The following WDR86 variants were observed in gnomAD, a reference collection of about 807,000 sequenced individuals.
WDR86 encodes the protein WD repeat-containing protein 86.
Under a neutral mutation model 36.5 loss-of-function variants are expected in WDR86, and 30 were observed. That is an observed-to-expected ratio of 0.82 (90% confidence interval 0.61 to 1.11). The LOEUF (loss-of-function observed/expected upper bound fraction) is 1.11, where lower values mean the gene tolerates loss of function less well. Among genes scored for constraint, WDR86 ranks in the 50% most tolerant of loss-of-function variants. The probability of loss-of-function intolerance (pLI) is 0.00; values close to 1 mark genes in which losing one functional copy is unlikely to be tolerated. For synonymous variants in WDR86, 255 were observed against 252.9 expected (o/e 1.01, Z -0.08); for missense variants, 545 against 561.2 (o/e 0.97, Z 0.29).
intron 1 of WDR86, among the ~76,000 whole-genome samples, chr7:151,402,070 A>AAAAAAAAAAATATATATATATAT: frequency 3.8e-4 from 19 of 50,518 alleles, no homozygotes; most frequent in Admixed American, 4.6e-4. Flanking sequence ...AAAAAAAAAA[A>AAAAAAAAAAATATATATATATAT]ATATATATAT....
chr7:151,377,119 A>C (rs1287278578), downstream of WDR86: 4 of 1,586,512 alleles, frequency 2.5e-6, no homozygotes, highest in East Asian at 6.8e-5. Flanking sequence ...GACATTCCAG[A>C]GCATGAGGAA....
In WDR86 at chr7:151,409,670, C is replaced by T; in HGVS notation, c.-81G>A. Reference sequence around the variant, plus strand: ...CCGGGGTCCGCGCGGCGGCTCCGTACGACTGCGGCCCGCGGCCATCGCGGG... The same window carrying T: ...CCGGGGTCCGCGCGGCGGCTCCGTATGACTGCGGCCCGCGGCCATCGCGGG... On this transcript the variant is annotated 5_prime_UTR_variant, in exon 1 of 6. Coordinates refer to ENST00000334493, the MANE Select transcript of WDR86 (RefSeq NM_198285.3). This position sits in a 1 kb window ranked among gnomAD's most constrained non-coding sequence, Gnocchi z 5.2. 1 of 1,296,842 alleles carries T rather than the reference C, an allele frequency of 7.7e-7. No homozygotes were observed. The highest frequency in any genetic ancestry group is 9.7e-7 in the Non-Finnish European group (1 of 1,025,724). The allele number at this position is 1,296,842 out of a possible 1,614,324, so 80.3% of individuals were successfully genotyped here.
At chr7:151,384,242 G>C (rs1366996994) in intron 4 of WDR86, among the ~76,000 whole-genome samples, 1 of 152,206 alleles carries the variant, frequency 6.6e-6, no homozygotes, top group African/African-American at 2.4e-5. Context: ...CAGACAGCAG[G>C]TTGCCTGCCC....
Position 151,381,285 on chromosome 7 carries a change from C to G in WDR86, c.*297G>C, listed in dbSNP as rs2286417. The G allele has an allele frequency of 0.12, 154,872 of 1,313,396 alleles. 10,732 individuals carry two copies. The highest frequency in any genetic ancestry group is 0.36 in the East Asian group (11,396 of 31,972). The allele number at this position is 1,313,396 out of a possible 1,614,324, so 81.4% of individuals were successfully genotyped here. ...GGGAGCTGGGGCAGTCCGCCTGCAG[C>G]CCCTGAGGTGGGAGGGTCCCCAGGA... On this transcript the variant is annotated 3_prime_UTR_variant, in exon 6 of 6. Transcript: ENST00000334493. The surrounding 1 kb of genome is among the most constrained non-coding windows in gnomAD (Gnocchi z 4.8).
In WDR86 at chr7:151,396,065, G is replaced by C. The variant is rs924924694; in HGVS notation, c.437C>G (p.Ser146Cys). 2 of 1,612,510 alleles carry C rather than the reference G, an allele frequency of 1.2e-6. No homozygotes were observed. The highest frequency in any genetic ancestry group is 8.5e-7 in the Non-Finnish European group (1 of 1,179,784). The change falls in exon 3 of 6, where the codon TCT becomes TGT. Residue 146 changes from serine (S) to cysteine (C), a missense_variant. Ser to Cys is a moderately radical substitution (Grantham distance 112). Transcript: ENST00000334493. ...HRNCVLTLAYSAPWDLPSTPC... is the reference protein window; with the variant it reads ...HRNCVLTLAYCAPWDLPSTPC... ...AGTGCTGGGGAGGTCCCACGGGGCA[G>C]AGTAGGCTAGGGTCAGCACGCAGTT...
Position 151,388,784 on chromosome 7 carries a change from C to A in WDR86, c.727-3561G>T, listed in dbSNP as rs766493494. Among the ~76,000 whole-genome samples, 5 of 152,148 alleles carry A rather than the reference C, an allele frequency of 3.3e-5. No individual in the cohort carries two copies. Among genetic ancestry groups the A allele is most frequent in the Non-Finnish European group, 7.3e-5 (5 of 68,032 alleles). ...GCCACCTGGTCCCCAGGCTGACGGT[C>A]GGAGGCGGGGTATATGAAGCTATGG... On this transcript the variant is annotated intron_variant, in intron 3 of 5. Transcript: ENST00000334493. This position sits in a 1 kb window ranked among gnomAD's most constrained non-coding sequence, Gnocchi z 4.2.
In WDR86 at chr7:151,401,985, C is replaced by T. The variant is rs62490305; in HGVS notation, c.164-1744G>A. On this transcript the variant is annotated intron_variant, in intron 1 of 5. Coordinates refer to ENST00000334493, the MANE Select transcript of WDR86 (RefSeq NM_198285.3). This position sits in a 1 kb window ranked among gnomAD's most constrained non-coding sequence, Gnocchi z 4.3. ...ACTGCTTGAACCCGGAAGGCGGAGG[C>T]TGCAGTGAGCTGAGGTTGCACCACT... is the stretch of plus-strand genomic sequence containing the variant. Among the ~76,000 whole-genome samples the T allele has an allele frequency of 0.31, 41,444 of 135,146 alleles. 6,254 individuals carry two copies. The highest frequency in any genetic ancestry group is 0.33 in the East Asian group (1,511 of 4,556). The allele number at this position is 135,146 out of a possible 152,430, so 88.7% of individuals were successfully genotyped here. A position where few individuals can be genotyped will look rare whatever the true frequency, so the allele number is the denominator to read the frequency against.
chr7:151,395,507 AC>A (rs1799749970), intron 3 of WDR86, among the ~76,000 whole-genome samples: 1 of 50,952 alleles, frequency 2.0e-5, no homozygotes, highest in African/African-American at 4.2e-5. Flanking sequence ...ACACACACAC[AC>A]ACACACACAC....
At chr7:151,407,833 C>T (rs1003593603) in intron 1 of WDR86, among the ~76,000 whole-genome samples, 2 of 152,048 alleles carry the variant, frequency 1.3e-5, no homozygotes, top group Non-Finnish European at 2.9e-5. Context: ...AAGAGCGAAA[C>T]TCCATCTCAA....
downstream of WDR86, chr7:151,374,107 A>G: frequency 6.4e-7 from 1 of 1,559,464 alleles, no homozygotes; most frequent in Non-Finnish European, 8.7e-7. Flanking sequence ...GAACTGGCCC[A>G]AATAAGGAAG....
intron 2 of WDR86, among the ~76,000 whole-genome samples, chr7:151,399,204 A>G (rs1001228519): frequency 6.6e-6 from 1 of 152,124 alleles, no homozygotes; most frequent in African/African-American, 2.4e-5. Flanking sequence ...TCCATCGACT[A>G]TCGATTATTA....
At position 151,381,988 on chromosome 7, in the gene WDR86, A is replaced by C. The variant is rs762502334; in HGVS notation, c.863-7T>G. On this transcript the variant is annotated splice_region_variant and splice_polypyrimidine_tract_variant and intron_variant, in intron 4 of 5. Coordinates refer to ENST00000334493, the MANE Select transcript of WDR86 (RefSeq NM_198285.3). The surrounding 1 kb of genome is among the most constrained non-coding windows in gnomAD (Gnocchi z 4.8). ...TCCCCGCTGCCCGTGAACACTGCGG[A>C]CACACAGCGCGCGCTGGGCCTCCCT... 6.9e-6 allele frequency: 11 copies of C among 1,593,416 alleles called. No homozygotes were observed. Among genetic ancestry groups the C allele is most frequent in the Admixed American group, 1.8e-5 (1 of 57,054 alleles).
chr7:151,400,609 C>G (rs1244701170), intron 1 of WDR86, among the ~76,000 whole-genome samples: 6 of 152,200 alleles, frequency 3.9e-5, no homozygotes, highest in African/African-American at 1.4e-4. Context: ...TCTCGAACTC[C>G]TGACCTCAAG....
At position 151,381,542 on chromosome 7, in the gene WDR86, G is replaced by C. The variant is rs1028081249; in HGVS notation, c.*40C>G. 2.2e-6 allele frequency: 3 copies of C among 1,394,438 alleles called. No homozygotes were observed. Among genetic ancestry groups the C allele is most frequent in the South Asian group, 1.6e-5 (1 of 63,084 alleles). 86.4% of individuals were successfully genotyped at this position (1,394,438 alleles called of 1,614,324 possible). ...AGCAGGGCGGGGCGCTCTGGGAGCC[G>C]CTGGGTGTCTGGGCTGGCGTCTGCA... On this transcript the variant is annotated 3_prime_UTR_variant, in exon 6 of 6. Coordinates refer to ENST00000334493, the MANE Select transcript of WDR86 (RefSeq NM_198285.3). The surrounding 1 kb of genome is among the most constrained non-coding windows in gnomAD (Gnocchi z 4.8).
chr7:151,402,142 G>A (rs10235381), intron 1 of WDR86, among the ~76,000 whole-genome samples: 12 of 145,220 alleles, frequency 8.3e-5, no homozygotes, highest in African/African-American at 2.6e-4. Context: ...TGATATACTC[G>A]GAAGAGGAGG....
At position 151,385,231 on chromosome 7, in the gene WDR86, G is replaced by A. The variant is rs968732791; in HGVS notation, c.727-8C>T. 3 of 1,610,440 alleles carry A rather than the reference G, an allele frequency of 1.9e-6. No homozygotes were observed. In the East Asian group the frequency reaches 6.7e-5, roughly 36 times the overall value. On this transcript the variant is annotated splice_region_variant and splice_polypyrimidine_tract_variant and intron_variant, in intron 3 of 5. Transcript: ENST00000334493. ...CACGAGTCGGTTCACCAGCTGCGAGGAGGAGCAGGGAAGGTCGGCAGCTGG... is the reference window on the plus strand; with the variant it reads ...CACGAGTCGGTTCACCAGCTGCGAGAAGGAGCAGGGAAGGTCGGCAGCTGG...
intron 3 of WDR86, among the ~76,000 whole-genome samples, chr7:151,392,739 C>G (rs572154444): frequency 6.6e-6 from 1 of 152,332 alleles, no homozygotes; most frequent in South Asian, 2.1e-4. Flanking sequence ...GGGGCCACTA[C>G]CTAGGTGCCT....
chr7:151,397,785 G>A lies in WDR86; in HGVS notation c.306-1589C>T, dbSNP rs1265285492. The stretch of plus-strand genomic sequence containing the variant: ...AGGAAGAGGGCGTAGCAGGAGGAAG[G>A]GCATAGCGGGAGGAAGGGCATAGCG... On this transcript the variant is annotated intron_variant, in intron 2 of 5. Transcript: ENST00000334493. Among the ~76,000 whole-genome samples the A allele has an allele frequency of 4.6e-3, 215 of 46,738 alleles. 2 individuals are homozygous for A. The highest frequency in any genetic ancestry group is 7.9e-3 in the African/African-American group (163 of 20,748). The allele number at this position is 46,738 out of a possible 152,430, so 30.7% of individuals were successfully genotyped here.
downstream of WDR86, chr7:151,376,846 CAA>C: frequency 6.5e-7 from 1 of 1,543,848 alleles, no homozygotes; most frequent in Non-Finnish European, 8.8e-7. Context: ...GCATTGAGAG[CAA>C]AGTGTCTTCA....
Sources: gnomAD v4.1 joint callset for allele counts (sites outside exome capture counted in the v4.1 genomes callset) on GRCh38, gnomAD v4.1.1 for gene constraint, Gnocchi (gnomAD v3.1) non-coding constraint, MANE v1.5 for transcripts, NCBI Gene and HGNC (gene_info 2026-07-23, HGNC 2026-07-21) for gene names.